SH2D4A: variants seen among roughly 807,000 people sequenced by gnomAD.
SH2D4A encodes the protein SH2 domain containing 4A, also known as SH2 domain-containing protein 4A.
Under a neutral mutation model 64.7 loss-of-function variants are expected in SH2D4A, and 70 were observed. The ratio of observed to expected loss-of-function variants is 1.08; its 90% CI spans 0.89 to 1.32. The LOEUF is 1.32. Among genes scored for constraint, SH2D4A ranks in the 40% most tolerant of loss-of-function variants. The probability of loss-of-function intolerance (pLI) is 0.00; values close to 1 mark genes in which losing one functional copy is unlikely to be tolerated. For synonymous variants in SH2D4A, 268 were observed against 200.7 expected (o/e 1.34, Z -2.83); for missense variants, 706 against 540.1 (o/e 1.31, Z -3.04).
chr8:19,347,685 G>T (rs184092315), intron 4 of SH2D4A, among the ~76,000 whole-genome samples: 1 of 152,218 alleles, frequency 6.6e-6, no homozygotes, highest in African/African-American at 2.4e-5. Context: ...TACAGAAATG[G>T]CCTTCAGAGT....
chr8:19,348,231 GATTACAGATGCATGCTCCC>G (rs748860529), intron 4 of SH2D4A, among the ~76,000 whole-genome samples: 2 of 152,180 alleles, frequency 1.3e-5, no homozygotes, highest in Non-Finnish European at 2.9e-5. Flanking sequence ...AAGAAGCTTG[GATTACAGATGCATGCTCCC>G]ATGCCCAGCT....
Position 19,361,419 on chromosome 8 carries a change from T to TA in SH2D4A, c.706+106dup, listed in dbSNP as rs1290254669. ...GCGCTTAATGTGGGTTGTTGAGAGA[T>TA]ATGTTCACAGTAAGTTACCACTCAA... On this transcript the variant is annotated intron_variant, in intron 6 of 9. Coordinates refer to ENST00000265807, the MANE Select transcript of SH2D4A (RefSeq NM_022071.4). The TA allele has an allele frequency of 7.1e-5, 83 of 1,173,912 alleles. 1 individual carries two copies. The highest frequency in any genetic ancestry group is 9.0e-5 in the Non-Finnish European group (80 of 884,016). 72.7% of individuals were successfully genotyped at this position (1,173,912 alleles called of 1,614,324 possible).
At chr8:19,341,487 C>A (rs1272586288) in intron 4 of SH2D4A, among the ~76,000 whole-genome samples, 1 of 152,080 alleles carries the variant, frequency 6.6e-6, no homozygotes, top group African/African-American at 2.4e-5. Context: ...CAAGGGAAAT[C>A]AGCTATAAAT....
Position 19,319,521 on chromosome 8 carries a change from A to G in SH2D4A, c.-27A>G. 3 of 1,424,256 alleles carry G rather than the reference A, an allele frequency of 2.1e-6. No individual in the cohort carries two copies. Among genetic ancestry groups the G allele is most frequent in the African/African-American group, 1.5e-5 (1 of 68,212 alleles). The allele number at this position is 1,424,256 out of a possible 1,614,324, so 88.2% of individuals were successfully genotyped here. On this transcript the variant is annotated 5_prime_UTR_variant, in exon 2 of 10. Coordinates refer to ENST00000265807, the MANE Select transcript of SH2D4A (RefSeq NM_022071.4). ...GCCAGTTTCAGGAACTTTTGCCACA[A>G]GTATAAAAGACTTCAGAAGTGCAAA...
intron 4 of SH2D4A, among the ~76,000 whole-genome samples, chr8:19,343,727 A>T (rs1445747088): frequency 6.6e-6 from 1 of 152,300 alleles, no homozygotes; most frequent in Non-Finnish European, 1.5e-5. Flanking sequence ...TCAAGGTTTA[A>T]TCTGTGTAAT....
chr8:19,351,397 A>T (rs966219147), intron 4 of SH2D4A, among the ~76,000 whole-genome samples: 1 of 152,196 alleles, frequency 6.6e-6, no homozygotes, highest in East Asian at 1.9e-4. Flanking sequence ...AGGTCAGGAG[A>T]TGGAGACCAT....
At chr8:19,340,346 T>A (rs751898350) in intron 4 of SH2D4A, among the ~76,000 whole-genome samples, 24 of 152,080 alleles carry the variant, frequency 1.6e-4, no homozygotes, top group Non-Finnish European at 2.9e-4. Flanking sequence ...GTTGAGCTGA[T>A]CAGGTTTATA....
intron 2 of SH2D4A, among the ~76,000 whole-genome samples, chr8:19,323,670 G>A (rs959979139): frequency 6.6e-6 from 1 of 152,086 alleles, no homozygotes. Flanking sequence ...TGTGAGCCAG[G>A]GCACCCGGCC....
intron 4 of SH2D4A, among the ~76,000 whole-genome samples, chr8:19,344,577 A>G (rs1412589525): frequency 6.6e-6 from 1 of 152,142 alleles, no homozygotes; most frequent in Admixed American, 6.5e-5. Flanking sequence ...ATCTCATTTT[A>G]AGGTCCATAG....
chr8:19,364,018 C>G, intron 6 of SH2D4A, 54 bp from the exon 7 acceptor site: 1 of 1,578,450 alleles, frequency 6.3e-7, no homozygotes, highest in Non-Finnish European at 8.7e-7. Context: ...GCTGAGCCTT[C>G]TCACCTGCTC....
intron 8 of SH2D4A, among the ~76,000 whole-genome samples, chr8:19,381,048 T>G (rs2053284536): frequency 6.7e-6 from 1 of 148,494 alleles, no homozygotes; most frequent in African/African-American, 2.5e-5. Flanking sequence ...GTTTTGTAGT[T>G]TTTTTTTTTT....
At chr8:19,368,726 GT>G (rs2053045321) in intron 7 of SH2D4A, among the ~76,000 whole-genome samples, 1 of 151,424 alleles carries the variant, frequency 6.6e-6, no homozygotes, top group South Asian at 2.1e-4. Flanking sequence ...AGGACTAAGA[GT>G]TTTTTGGTGC....
Position 19,317,355 on chromosome 8 carries a change from A to G in SH2D4A, c.-204-1989A>G, listed in dbSNP as rs139067440. Among the ~76,000 whole-genome samples the G allele has an allele frequency of 7.9e-3, 1,125 of 142,514 alleles. 10 individuals carry two copies. The highest frequency in any genetic ancestry group is 0.04 in the Middle Eastern group (10 of 252). 93.5% of individuals were successfully genotyped at this position (142,514 alleles called of 152,430 possible). ...TGTTCAAGCCTTTAAGGGTATCTCA[A>G]TGCAAAATACAAAGTTGGCAAGTGG... On this transcript the variant is annotated intron_variant, in intron 1 of 9. Transcript: ENST00000265807.
intron 4 of SH2D4A, among the ~76,000 whole-genome samples, chr8:19,348,865 A>G (rs570993089): frequency 9.9e-5 from 15 of 152,142 alleles, no homozygotes; most frequent in African/African-American, 3.6e-4. Flanking sequence ...CAGAGTAGAT[A>G]CCTCGTTCCT....
chr8:19,322,288 T>C (rs1432445027), intron 2 of SH2D4A, among the ~76,000 whole-genome samples: 1 of 152,116 alleles, frequency 6.6e-6, no homozygotes, highest in Non-Finnish European at 1.5e-5. Flanking sequence ...CCCTTGTGGG[T>C]TGACAGGTCA....
intron 7 of SH2D4A, among the ~76,000 whole-genome samples, chr8:19,367,899 G>A (rs2053026549): frequency 6.6e-6 from 1 of 152,074 alleles, no homozygotes; most frequent in South Asian, 2.1e-4. Context: ...AACATAGGGA[G>A]ACAGTCATCC....
At chr8:19,350,744 A>G (rs567424532) in intron 4 of SH2D4A, among the ~76,000 whole-genome samples, 33 of 152,262 alleles carry the variant, frequency 2.2e-4, no homozygotes, top group African/African-American at 7.9e-4. Context: ...GGGCCTCCCA[A>G]AGTGCTGGGA....
intron 1 of SH2D4A, among the ~76,000 whole-genome samples, chr8:19,317,240 C>T (rs759797470): frequency 2.2e-4 from 34 of 151,742 alleles, no homozygotes; most frequent in African/African-American, 8.2e-4. Context: ...TTCATTGGCT[C>T]CACCCTTTGA....
At chr8:19,383,285 T>G (rs540701868) in intron 8 of SH2D4A, among the ~76,000 whole-genome samples, 1 of 152,182 alleles carries the variant, frequency 6.6e-6, no homozygotes. Context: ...TCCATTGTCC[T>G]ATCTTCAAGT....
Sources: gnomAD v4.1 joint callset for allele counts (sites outside exome capture counted in the v4.1 genomes callset) on GRCh38, gnomAD v4.1.1 for gene constraint, MANE v1.5 for transcripts, NCBI Gene and HGNC (gene_info 2026-07-23, HGNC 2026-07-21) for gene names.